HELQ: variants seen among roughly 807,000 people sequenced by gnomAD.
HELQ encodes the protein helicase, POLQ like.
HELQ carries 77 observed loss-of-function variants against 111.6 expected under a neutral mutation model. The ratio of observed to expected loss-of-function variants is 0.69; its 90% CI spans 0.57 to 0.83. The LOEUF (loss-of-function observed/expected upper bound fraction) is 0.83, where lower values mean the gene tolerates loss of function less well. Among genes scored for constraint, HELQ ranks in the 40% least tolerant of loss-of-function variants. HELQ has a pLI of 0.00. For missense variants in HELQ, 1,200 were observed against 1,288.5 expected (o/e 0.93, Z 1.05); for synonymous variants, 438 against 454.7 (o/e 0.96, Z 0.47).
chr4:83,449,478 T>C (rs894038325), intron 2 of HELQ, among the ~76,000 whole-genome samples: 1 of 152,090 alleles, frequency 6.6e-6, no homozygotes, highest in Admixed American at 6.5e-5. Flanking sequence ...TTCGAATGGG[T>C]CCAAAACCAT....
intron 6 of HELQ, among the ~76,000 whole-genome samples, chr4:83,442,345 G>C (rs553149508): frequency 1.5e-5 from 2 of 130,456 alleles, no homozygotes; most frequent in South Asian, 5.0e-4. Flanking sequence ...ACAGCTTACT[G>C]TATCCTCAAC....
chr4:83,437,134 T>C, intron 8 of HELQ, 37 bp from the exon 9 acceptor site: 1 of 1,586,304 alleles, frequency 6.3e-7, no homozygotes, highest in Non-Finnish European at 8.6e-7. Flanking sequence ...GAGCCCTTGA[T>C]CTTTTAGTGA....
chr4:83,416,880 A>C lies in HELQ; in HGVS notation c.3064-15T>G. On this transcript the variant is annotated splice_polypyrimidine_tract_variant and intron_variant, in intron 16 of 17. Coordinates refer to ENST00000295488, the MANE Select transcript of HELQ (RefSeq NM_133636.5). ...TTTGCTCGACCCTGAAAAGTGTTAC[A>C]AAAATCAGTAGGATAATAGTTTGGG... 1 of 1,584,104 alleles carries C rather than the reference A, an allele frequency of 6.3e-7. No individual in the cohort carries two copies. Among genetic ancestry groups the C allele is most frequent in the East Asian group, 2.3e-5 (1 of 44,050 alleles).
rs1353835752 is a variant in HELQ at position 83,436,954 on chromosome 4, T to G, written c.1952A>C (p.Glu651Ala). Residue 651 changes from glutamate (E) to alanine (A), a missense_variant, in exon 9 of 18, where the codon GAA (glutamate) becomes GCA (alanine). By Grantham distance (107) the Glu-to-Ala change is moderately radical. Transcript: ENST00000295488. Reference sequence around the variant, plus strand: ...GTAGGCCTCCTCCAAGAGTTTCCTTTCATCACTTGTTAAGCCACTGTGGTG... The same window carrying G: ...GTAGGCCTCCTCCAAGAGTTTCCTTGCATCACTTGTTAAGCCACTGTGGTG... ...AYHHSGLTSD[E>A]RKLLEEAYST... 1.5e-5 allele frequency: 25 copies of G among 1,614,224 alleles called. No homozygotes were observed. The highest frequency in any genetic ancestry group is 2.0e-5 in the Non-Finnish European group (24 of 1,180,022).
chr4:83,440,717 TTC>T (rs911944148), intron 7 of HELQ, among the ~76,000 whole-genome samples: 79 of 152,310 alleles, frequency 5.2e-4, no homozygotes, highest in African/African-American at 1.7e-3. Flanking sequence ...CCATAAATTA[TTC>T]TTTTGTTGTT....
At chr4:83,425,051 G>A (rs558856805) in intron 14 of HELQ, among the ~76,000 whole-genome samples, 28 of 152,094 alleles carry the variant, frequency 1.8e-4, no homozygotes, top group Non-Finnish European at 7.4e-5. Flanking sequence ...AGAACGAGGC[G>A]GGTGGATCAC....
In HELQ at chr4:83,436,917, C is replaced by T; in HGVS notation, c.1989G>A (p.Val663=). 6.2e-7 allele frequency: 1 copy of T among 1,614,168 alleles called. No individual in the cohort carries two copies. The highest frequency in any genetic ancestry group is 8.5e-7 in the Non-Finnish European group (1 of 1,179,994). ...TAGATGTGCAGGTAAAAAGACAGAG[C>T]ACTCCTGTGGAGTAGGCCTCCTCCA... ...KLLEEAYSTG[V]LCLFTCTSTL... The change falls in exon 9 of 18, where the codon GTG becomes GTA. Residue 663 remains valine, a synonymous_variant. Transcript: ENST00000295488.
chr4:83,438,166 G>A (rs533832488), intron 8 of HELQ, among the ~76,000 whole-genome samples: 1 of 152,272 alleles, frequency 6.6e-6, no homozygotes, highest in East Asian at 1.9e-4. Flanking sequence ...ATTGAAAGAG[G>A]AGGTAGAGGT....
intron 7 of HELQ, 141 bp downstream of exon 7, chr4:83,441,164 G>A (rs1720735524): frequency 3.2e-6 from 2 of 616,924 alleles, no homozygotes; most frequent in Non-Finnish European, 5.8e-6. Context: ...TGAACTGGCA[G>A]TCTGCATGGT....
chr4:83,453,671 A>C lies in HELQ; in HGVS notation c.572T>G (p.Leu191Arg), dbSNP rs773648480. 7 of 1,614,078 alleles carry C rather than the reference A, an allele frequency of 4.3e-6. No individual in the cohort carries two copies. The highest frequency in any genetic ancestry group is 4.2e-6 in the Non-Finnish European group (5 of 1,180,030). ...EGVTIEPGAD[L>R]LYDVPSSQAI... Reference sequence around the variant, plus strand: ...CTGTGAGGAAGGTACATCATACAAAAGATCAGCTCCAGGTTCAATAGTGAC... The same window carrying C: ...CTGTGAGGAAGGTACATCATACAAACGATCAGCTCCAGGTTCAATAGTGAC... Residue 191 changes from leucine to arginine, a missense_variant, in exon 2 of 18, where the codon CTT becomes CGT. By Grantham distance (102) the Leu-to-Arg change is moderately radical. This residue lies in a region of HELQ where 610 missense variants were observed against 607.1 expected (regional missense o/e 1.00). Transcript: ENST00000295488.
chr4:83,437,604 A>G (rs1009750906), intron 8 of HELQ, among the ~76,000 whole-genome samples: 2 of 83,514 alleles, frequency 2.4e-5, no homozygotes, highest in South Asian at 7.9e-4. Context: ...AGCCTTGTCT[A>G]AAAAAAAAAA....
intron 9 of HELQ, among the ~76,000 whole-genome samples, chr4:83,434,858 T>C (rs74596768): frequency 0.024 from 3,622 of 152,008 alleles, 138 homozygotes; most frequent in African/African-American, 0.083. Context: ...GAAAGCTGAA[T>C]CTAAGAGGCC....
intron 17 of HELQ, among the ~76,000 whole-genome samples, chr4:83,416,060 C>G (rs1385324758): frequency 1.3e-5 from 2 of 151,824 alleles, no homozygotes; most frequent in African/African-American, 4.8e-5. Flanking sequence ...AATTCTCCTG[C>G]CTCAGCCTCC....
chr4:83,411,743 A>G (rs1007994127), intron 17 of HELQ, among the ~76,000 whole-genome samples: 1 of 151,910 alleles, frequency 6.6e-6, no homozygotes, highest in Non-Finnish European at 1.5e-5. Flanking sequence ...CCCAGGCTCA[A>G]ATGATCCTCC....
At chr4:83,416,242 C>T (rs1454446145) in intron 17 of HELQ, among the ~76,000 whole-genome samples, 1 of 151,148 alleles carries the variant, frequency 6.6e-6, no homozygotes, top group Non-Finnish European at 1.5e-5. Flanking sequence ...GGCACCATGC[C>T]TGGCATTTTT....
At chr4:83,449,815 G>C (rs1476136016) in intron 2 of HELQ, among the ~76,000 whole-genome samples, 1 of 150,856 alleles carries the variant, frequency 6.6e-6, no homozygotes, top group African/African-American at 2.4e-5. Flanking sequence ...ATGCTCAGCT[G>C]TTCTCTACTG....
At chr4:83,417,535 C>T (rs1224339392) in intron 16 of HELQ, among the ~76,000 whole-genome samples, 2 of 152,138 alleles carry the variant, frequency 1.3e-5, no homozygotes, top group African/African-American at 4.8e-5. Flanking sequence ...TCACCATCTA[C>T]TCAGGGGACC....
rs1358902544 is a variant in HELQ at position 83,415,977 on chromosome 4, C to T, written c.3198+754G>A. Among the ~76,000 whole-genome samples the T allele has an allele frequency of 1.1e-4, 16 of 143,336 alleles. 1 individual carries two copies. Among genetic ancestry groups the T allele is most frequent in the Admixed American group, 9.3e-4 (13 of 13,904 alleles). 94.0% of individuals were successfully genotyped at this position (143,336 alleles called of 152,430 possible). On this transcript the variant is annotated intron_variant, in intron 17 of 17. Coordinates refer to ENST00000295488, the MANE Select transcript of HELQ (RefSeq NM_133636.5). The stretch of plus-strand genomic sequence containing the variant: ...TTTTTTTTTTTTTGAGACAGAATCT[C>T]GCTCTGTCAGCCAGGCTGGAGTGCA...
At chr4:83,437,182 G>A (rs1056590759) in intron 8 of HELQ, 85 bp from the exon 9 acceptor site, 4 of 1,265,178 alleles carry the variant, frequency 3.2e-6, no homozygotes, top group Non-Finnish European at 4.4e-6. Flanking sequence ...AGATGCTAAT[G>A]TAAACATTCT....
Sources: gnomAD v4.1 joint callset for allele counts (sites outside exome capture counted in the v4.1 genomes callset) on GRCh38, gnomAD v4.1.1 for gene constraint, gnomAD v4.1.1 regional missense constraint, MANE v1.5 for transcripts, NCBI Gene and HGNC (gene_info 2026-07-23, HGNC 2026-07-21) for gene names.